Variants in HSF1 observed in about 807,000 individuals in gnomAD.
HSF1 encodes the protein heat shock transcription factor 1.
Under a neutral mutation model 51.7 loss-of-function variants are expected in HSF1, and 32 were observed. The ratio of observed to expected loss-of-function variants is 0.62; its 90% CI spans 0.47 to 0.83. The LOEUF (loss-of-function observed/expected upper bound fraction) is 0.83, where lower values mean the gene tolerates loss of function less well. HSF1 is among the 40% of genes least tolerant of loss of function. The pLI, the probability that HSF1 is intolerant of heterozygous loss-of-function variation, is 0.00. For synonymous variants in HSF1, 396 were observed against 309.7 expected (o/e 1.28, Z -2.92); for missense variants, 727 against 717.0 (o/e 1.01, Z -0.16).
At chr8:144,301,966 A>T (rs1815917568) in intron 1 of HSF1, among the ~76,000 whole-genome samples, 1 of 150,136 alleles carries the variant, frequency 6.7e-6, no homozygotes, top group Non-Finnish European at 1.5e-5. Context: ...AGATGGGGCA[A>T]CATAGCTTGG....
intron 1 of HSF1, among the ~76,000 whole-genome samples, chr8:144,307,978 G>A (rs894294451): frequency 1.6e-4 from 25 of 152,174 alleles, no homozygotes; most frequent in African/African-American, 5.3e-4. Flanking sequence ...TCCCTGACAC[G>A]TGTACATCCC....
At chr8:144,299,590 C>T (rs1261325782) in intron 1 of HSF1, among the ~76,000 whole-genome samples, 2 of 151,970 alleles carry the variant, frequency 1.3e-5, no homozygotes, top group Non-Finnish European at 2.9e-5. Flanking sequence ...TAAAAATGTT[C>T]CCTGTGCTCA....
chr8:144,313,142 C>T (rs914191342), intron 9 of HSF1: 3 of 388,014 alleles, frequency 7.7e-6, no homozygotes, highest in Non-Finnish European at 1.4e-5. Context: ...CTGAGCCACC[C>T]ACACACTGAG....
chr8:144,312,970 C>T (rs1485653989), intron 9 of HSF1: 17 of 556,950 alleles, frequency 3.1e-5, no homozygotes, highest in Middle Eastern at 4.9e-4. Context: ...ATCCAGACTG[C>T]GGTGCTGACT....
In HSF1 at chr8:144,312,309, C is replaced by G. The variant is rs956435607; in HGVS notation, c.1142+65C>G. On this transcript the variant is annotated intron_variant, in intron 9 of 12. Transcript: ENST00000528838. ...GACGCACAGCCCTGGGCTTCAGCCC[C>G]GACTGTCCCAGTGGACTGAGCAGGG... The G allele has an allele frequency of 4.2e-6, 5 of 1,202,248 alleles. No individual in the cohort carries two copies. In the South Asian group the frequency reaches 5.7e-5, roughly 14 times the overall value. 74.5% of individuals were successfully genotyped at this position (1,202,248 alleles called of 1,614,324 possible).
intron 2 of HSF1, 125 bp from the exon 3 acceptor site, chr8:144,309,330 C>T (rs577413965): frequency 2.2e-6 from 3 of 1,386,712 alleles, no homozygotes; most frequent in Non-Finnish European, 3.0e-6. Flanking sequence ...GGCATGGGCT[C>T]TGAGGGGGCA....
rs1554846384 is a variant in HSF1 at position 144,314,552 on chromosome 8, C to T, written c.*222C>T. 9 of 589,398 alleles carry T rather than the reference C, an allele frequency of 1.5e-5. No individual in the cohort carries two copies. The highest frequency in any genetic ancestry group is 2.1e-5 in the Non-Finnish European group (7 of 330,418). 36.5% of individuals were successfully genotyped at this position (589,398 alleles called of 1,614,324 possible). ...CCCGTGTCCTGTGGTTTGGTTGGGG[C>T]TTCACAGCCACACCTGGACTGACCC... On this transcript the variant is annotated 3_prime_UTR_variant, in exon 13 of 13. Coordinates refer to ENST00000528838, the MANE Select transcript of HSF1 (RefSeq NM_005526.4).
In HSF1 at chr8:144,311,591, G is replaced by T. The variant is rs1280144245; in HGVS notation, c.713G>T (p.Gly238Val). The T allele has an allele frequency of 1.2e-6, 2 of 1,613,452 alleles. No individual in the cohort carries two copies. Among genetic ancestry groups the T allele is most frequent in the Non-Finnish European group, 1.7e-6 (2 of 1,179,978 alleles). Residue 238 changes from glycine to valine, a missense_variant, in exon 7 of 13, where the codon GGC becomes GTC. Coordinates refer to ENST00000528838, the MANE Select transcript of HSF1 (RefSeq NM_005526.4). ...TCCCTGGAGCACGTCCACGGCTCGG[G>T]CCCCTACTCGGTGAGTGCCGGAGAC... is the stretch of plus-strand genomic sequence containing the variant. ...QFSLEHVHGSGPYSAPSPAYS... is the reference protein window; with the variant it reads ...QFSLEHVHGSVPYSAPSPAYS...
rs1007809812 is a variant in HSF1 at position 144,305,959 on chromosome 8, T to C, written c.118-2947T>C. On this transcript the variant is annotated intron_variant, in intron 1 of 12. Coordinates refer to ENST00000528838, the MANE Select transcript of HSF1 (RefSeq NM_005526.4). Reference sequence around the variant, plus strand: ...GTTGGTCAGGTTGGTCTCCAACTCCTGACCTCAGGTGATCCGCCTGCCTTG... The same window carrying C: ...GTTGGTCAGGTTGGTCTCCAACTCCCGACCTCAGGTGATCCGCCTGCCTTG... 1.3e-5 allele frequency among the ~76,000 whole-genome samples: 2 copies of C among 151,252 alleles called. 1 individual carries two copies. The highest frequency in any genetic ancestry group is 6.5e-3 in the Middle Eastern group (2 of 310).
At position 144,314,190 on chromosome 8, in the gene HSF1, G is replaced by A. The variant is rs1554846111; in HGVS notation, c.1450G>A (p.Gly484Arg). 8 of 1,536,984 alleles carry A rather than the reference G, an allele frequency of 5.2e-6. No homozygotes were observed. The highest frequency in any genetic ancestry group is 2.0e-5 in the Admixed American group (1 of 50,160). ...GCTGGACCCCGGCTCCGTGGACACC[G>A]GGAGCAACGACCTGCCGGTGCTGTT... is the stretch of plus-strand genomic sequence containing the variant. Reference protein sequence around the residue: ...FLLDPGSVDTGSNDLPVLFEL... With the variant: ...FLLDPGSVDTRSNDLPVLFEL... Residue 484 changes from glycine (G) to arginine (R), a missense_variant, in exon 13 of 13, where the codon GGG becomes AGG. Coordinates refer to ENST00000528838, the MANE Select transcript of HSF1 (RefSeq NM_005526.4).
Position 144,309,607 on chromosome 8 carries a change from G to A in HSF1, c.363+16G>A, listed in dbSNP as rs961444141. On this transcript the variant is annotated intron_variant, in intron 3 of 12. Transcript: ENST00000528838. ...AGTGACCAGTGTGAGTGCCGGCCCT[G>A]CACCCTTGCCCGGTCTCACCTGCCA... The A allele has an allele frequency of 1.2e-6, 2 of 1,613,226 alleles. No individual in the cohort carries two copies. Among genetic ancestry groups the A allele is most frequent in the Admixed American group, 1.7e-5 (1 of 59,996 alleles).
chr8:144,292,786 C>T (rs958832414), intron 1 of HSF1: 1 of 152,182 alleles, frequency 6.6e-6, no homozygotes, highest in South Asian at 2.1e-4. Flanking sequence ...TATGGCAAAA[C>T]CCCAGCTCTA....
At chr8:144,311,888 G>C (rs1177146906) in intron 8 of HSF1, 52 bp downstream of exon 8, 1 of 1,584,552 alleles carries the variant, frequency 6.3e-7, no homozygotes. Flanking sequence ...GCGAGCCCCT[G>C]TGGGCCCAGG....
At chr8:144,308,869 C>G (rs781798360) in intron 1 of HSF1, 37 bp from the exon 2 acceptor site, 1 of 1,557,314 alleles carries the variant, frequency 6.4e-7, no homozygotes, top group Non-Finnish European at 8.9e-7. Context: ...CTGCCCCTCA[C>G]CACCACGCGT....
At position 144,309,915 on chromosome 8, in the gene HSF1, T is replaced by G. The variant is rs1816491583; in HGVS notation, c.488+19T>G. Reference sequence around the variant, plus strand: ...TGAAGCAGTAGGTCCCACACCAGCATTATGGGCCACAGCGGGTCCTGGCGC... The same window carrying G: ...TGAAGCAGTAGGTCCCACACCAGCAGTATGGGCCACAGCGGGTCCTGGCGC... On this transcript the variant is annotated intron_variant, in intron 4 of 12. Transcript: ENST00000528838. 2.5e-6 allele frequency: 4 copies of G among 1,609,676 alleles called. No homozygotes were observed. Among genetic ancestry groups the G allele is most frequent in the Non-Finnish European group, 3.4e-6 (4 of 1,177,328 alleles).
At chr8:144,295,705 A>T (rs965234979) in intron 1 of HSF1, among the ~76,000 whole-genome samples, 1 of 145,460 alleles carries the variant, frequency 6.9e-6, no homozygotes, top group Non-Finnish European at 1.5e-5. Flanking sequence ...TTGCACCACC[A>T]GACCTGGCTT....
intron 1 of HSF1, among the ~76,000 whole-genome samples, chr8:144,306,932 T>G (rs1554843413): frequency 6.6e-6 from 1 of 152,168 alleles, no homozygotes; most frequent in Non-Finnish European, 1.5e-5. Flanking sequence ...TGTGTGTGTG[T>G]GTGTGTTGGG....
chr8:144,306,410 T>G (rs1804985351), intron 1 of HSF1, among the ~76,000 whole-genome samples: 1 of 152,104 alleles, frequency 6.6e-6, no homozygotes, highest in Non-Finnish European at 1.5e-5. Context: ...TTACCCAGGC[T>G]GGAGCGCAGT....
intron 1 of HSF1, among the ~76,000 whole-genome samples, chr8:144,296,795 G>C (rs542606899): frequency 7.6e-6 from 1 of 132,372 alleles, no homozygotes; most frequent in Non-Finnish European, 1.6e-5. Flanking sequence ...TGACAGAGCG[G>C]GACTCCATCT....
Sources: gnomAD v4.1 joint callset for allele counts (sites outside exome capture counted in the v4.1 genomes callset) on GRCh38, gnomAD v4.1.1 for gene constraint, MANE v1.5 for transcripts, NCBI Gene and HGNC (gene_info 2026-07-23, HGNC 2026-07-21) for gene names.